Variants in TMLHE observed in about 807,000 individuals in gnomAD.
TMLHE encodes trimethyllysine dioxygenase, mitochondrial.
TMLHE carries 18 observed loss-of-function variants against 25.7 expected under a neutral mutation model. The observed-to-expected ratio is 0.70, with a 90% CI of 0.48 to 1.04. The LOEUF (loss-of-function observed/expected upper bound fraction) is 1.04, where lower values mean the gene tolerates loss of function less well. Ranked by LOEUF, TMLHE falls within the 50% of genes least tolerant of loss-of-function variation. The probability of loss-of-function intolerance (pLI) is 0.00; values close to 1 mark genes in which losing one functional copy is unlikely to be tolerated. For missense variants in TMLHE, 236 were observed against 259.0 expected (o/e 0.91, Z 0.61); for synonymous variants, 105 against 97.0 (o/e 1.08, Z -0.49).
chrX:155,511,888 A>G, intron 4 of TMLHE, 96 bp from the exon 5 acceptor site: 1 of 918,378 alleles, frequency 1.1e-6, no homozygotes, highest in South Asian at 3.4e-5. Flanking sequence ...TTACTCACAA[A>G]TAACAGTAGA....
chrX:155,510,205 T>TC (rs1190524295), intron 5 of TMLHE, among the ~76,000 whole-genome samples: 1 of 108,278 alleles, frequency 9.2e-6, no homozygotes, highest in Non-Finnish European at 1.9e-5. Context: ...AAATTAGGAC[T>TC]CCATTTATAT....
chrX:155,539,946 A>G (rs2067301239), intron 2 of TMLHE, among the ~76,000 whole-genome samples: 4 of 110,317 alleles, frequency 3.6e-5, no homozygotes. Context: ...GACCAGGCAG[A>G]AAAAAGAATT....
chrX:155,525,506 AC>A (rs1340885735), intron 2 of TMLHE, among the ~76,000 whole-genome samples: 1 of 112,224 alleles, frequency 8.9e-6, no homozygotes, highest in Non-Finnish European at 1.9e-5. Flanking sequence ...GAAAATTGTT[AC>A]CAGAGAAGTG....
At chrX:155,612,080 A>G (rs1246264864) in intron 1 of TMLHE, 1 of 112,202 alleles carries the variant, frequency 8.9e-6, no homozygotes, top group East Asian at 2.8e-4. Flanking sequence ...TTAGGCAATC[A>G]TCTGGTTAAA....
chrX:155,580,384 G>A (rs2067618313), intron 1 of TMLHE, among the ~76,000 whole-genome samples: 1 of 111,665 alleles, frequency 9.0e-6, no homozygotes, highest in African/African-American at 3.3e-5. Flanking sequence ...ATACACTGTT[G>A]ATGGGAATGT....
intron 2 of TMLHE, among the ~76,000 whole-genome samples, chrX:155,538,969 T>C (rs143466012): frequency 2.4e-3 from 269 of 111,429 alleles, no homozygotes; most frequent in African/African-American, 8.6e-3. Context: ...ATGGTTTGAA[T>C]AACAATTTAT....
rs1438645678 is a variant in TMLHE at position 155,568,091 on chromosome X, G to A, written c.-1-22814C>T. On this transcript the variant is annotated intron_variant, in intron 1 of 7. Transcript: ENST00000334398. Reference sequence around the variant, plus strand: ...GAGTTCCCTTTCCTAGTCAAAGAAAGGGGTGACAGATGGCACCTGGAAAAT... The same window carrying A: ...GAGTTCCCTTTCCTAGTCAAAGAAAAGGGTGACAGATGGCACCTGGAAAAT... Among the ~76,000 whole-genome samples the A allele has an allele frequency of 4.6e-4, 28 of 61,449 alleles. 6 individuals carry two copies. The highest frequency in any genetic ancestry group is 1.3e-3 in the Admixed American group (7 of 5,276). The allele number at this position is 61,449 out of a possible 115,157, so 53.4% of individuals were successfully genotyped here. A position where few individuals can be genotyped will look rare whatever the true frequency, so the allele number is the denominator to read the frequency against.
At chrX:155,585,404 TACACACACACAAACACACAC>T (rs1336736652) in intron 1 of TMLHE, among the ~76,000 whole-genome samples, 3 of 76,434 alleles carry the variant, frequency 3.9e-5, no homozygotes, top group African/African-American at 1.5e-4. Context: ...ATATAAATTA[TACACACACACAAACACACAC>T]ACACACACAC....
At chrX:155,582,232 C>T (rs782797720) in intron 1 of TMLHE, among the ~76,000 whole-genome samples, 3 of 112,091 alleles carry the variant, frequency 2.7e-5, no homozygotes, top group South Asian at 7.4e-4. Context: ...TAGAAGAAAA[C>T]CTAGGCAATA....
chrX:155,566,832 G>C lies in TMLHE; in HGVS notation c.-1-21555C>G, dbSNP rs781998744. On this transcript the variant is annotated intron_variant, in intron 1 of 7. Transcript: ENST00000334398. Reference sequence around the variant, plus strand: ...ATAAAATCTCTCTTCATTCTTCAAAGACCATTTCAAAATCTGTTCATTCAA... The same window carrying C: ...ATAAAATCTCTCTTCATTCTTCAAACACCATTTCAAAATCTGTTCATTCAA... Among the ~76,000 whole-genome samples the C allele has an allele frequency of 1.3e-4, 8 of 61,775 alleles. 2 individuals are homozygous for C. Among genetic ancestry groups the C allele is most frequent in the African/African-American group, 2.9e-4 (8 of 27,915 alleles). The allele number at this position is 61,775 out of a possible 115,157, so 53.6% of individuals were successfully genotyped here. A position where few individuals can be genotyped will look rare whatever the true frequency, so the allele number is the denominator to read the frequency against.
intron 6 of TMLHE, among the ~76,000 whole-genome samples, chrX:155,500,361 CA>C (rs1260579858): frequency 9.3e-6 from 1 of 107,469 alleles, no homozygotes; most frequent in African/African-American, 3.5e-5. Context: ...TTTATGCAGC[CA>C]AAAAACACAT....
chrX:155,524,499 C>T lies in TMLHE; in HGVS notation c.315G>A (p.Lys105=). 8.3e-7 allele frequency: 1 copy of T among 1,206,670 alleles called. No individual in the cohort carries two copies. The highest frequency in any genetic ancestry group is 1.1e-6 in the Non-Finnish European group (1 of 893,035). The stretch of plus-strand genomic sequence containing the variant: ...TCTCATCCAGACGAATGGTCTTTGG[C>T]TTGATACATAAATCCACACTGGCAG... The part of the protein sequence containing the change: ...LDTASVDLCI[K]PKTIRLDETT... Residue 105 remains lysine (K), a synonymous_variant, in exon 3 of 8, where the codon AAG becomes AAA. Coordinates refer to ENST00000334398, the MANE Select transcript of TMLHE (RefSeq NM_018196.4).
At chrX:155,603,321 C>T (rs2067766731) in intron 1 of TMLHE, among the ~76,000 whole-genome samples, 1 of 104,912 alleles carries the variant, frequency 9.5e-6, no homozygotes, top group Non-Finnish European at 1.9e-5. Context: ...CAGAGCAAGA[C>T]CCTGTCGAAA....
intron 1 of TMLHE, among the ~76,000 whole-genome samples, chrX:155,610,687 A>G (rs1268806432): frequency 2.7e-5 from 3 of 111,233 alleles, no homozygotes; most frequent in Non-Finnish European, 3.8e-5. Flanking sequence ...AAATCAATTA[A>G]AAAAGAATAT....
intron 1 of TMLHE, among the ~76,000 whole-genome samples, chrX:155,582,584 C>G (rs1370356174): frequency 8.9e-6 from 1 of 112,270 alleles, no homozygotes; most frequent in South Asian, 3.7e-4. Context: ...CTCATCATCA[C>G]TGGCCATCAG....
At chrX:155,586,782 C>G (rs1557345370) in intron 1 of TMLHE, among the ~76,000 whole-genome samples, 2 of 111,344 alleles carry the variant, frequency 1.8e-5, no homozygotes, top group South Asian at 3.8e-4. Flanking sequence ...TGGATAAATC[C>G]CTTGACATAC....
intron 1 of TMLHE, among the ~76,000 whole-genome samples, chrX:155,600,407 G>A (rs2124496006): frequency 8.9e-6 from 1 of 111,778 alleles, no homozygotes; most frequent in Admixed American, 9.5e-5. Context: ...TGTATAGGTA[G>A]GTTATGCTAT....
chrX:155,549,940 G>A (rs1557339811), intron 1 of TMLHE, among the ~76,000 whole-genome samples: 1 of 109,139 alleles, frequency 9.2e-6, no homozygotes, highest in Non-Finnish European at 1.9e-5. Context: ...TGTTCTCATT[G>A]TTCAACTCCC....
chrX:155,552,141 T>C (rs926998858), intron 1 of TMLHE, among the ~76,000 whole-genome samples: 9 of 110,325 alleles, frequency 8.2e-5, no homozygotes, highest in African/African-American at 3.0e-4. Flanking sequence ...AATTTTCTAA[T>C]AGTTTGTTCG....
Sources: gnomAD v4.1 joint callset for allele counts (sites outside exome capture counted in the v4.1 genomes callset) on GRCh38, gnomAD v4.1.1 for gene constraint, MANE v1.5 for transcripts, NCBI Gene and HGNC (gene_info 2026-07-23, HGNC 2026-07-21) for gene names.